TSHZ1: variants seen among roughly 807,000 people sequenced by gnomAD.
TSHZ1 encodes the protein teashirt zinc finger homeobox 1.
In TSHZ1, 12 loss-of-function variants were observed where a neutral mutation model predicts 67.1. The observed-to-expected ratio is 0.18, with a 90% CI of 0.11 to 0.29. TSHZ1 has a LOEUF of 0.29. Among genes scored for constraint, TSHZ1 ranks in the 10% least tolerant of loss-of-function variants. TSHZ1 has a pLI of 1.00. For synonymous variants in TSHZ1, 632 were observed against 622.4 expected, an observed-to-expected ratio of 1.02 and a Z score of -0.23; for missense variants, 1,305 against 1,413.9, an observed-to-expected ratio of 0.92 and a Z score of 1.23.
chr18:75,271,948 C>T (rs146463698), intron 1 of TSHZ1, among the ~76,000 whole-genome samples: 4 of 152,174 alleles, frequency 2.6e-5, no homozygotes, highest in Non-Finnish European at 5.9e-5. Flanking sequence ...CTTCTCCGCT[C>T]GCTTCCTGTA....
chr18:75,249,076 GA>G (rs2023260050), intron 1 of TSHZ1, among the ~76,000 whole-genome samples: 1 of 152,152 alleles, frequency 6.6e-6, no homozygotes, highest in African/African-American at 2.4e-5. Flanking sequence ...GCTACTGGGG[GA>G]AAGCCAGGTC....
intron 1 of TSHZ1, among the ~76,000 whole-genome samples, chr18:75,278,565 G>A (rs2122608516): frequency 6.6e-6 from 1 of 152,202 alleles, no homozygotes; most frequent in Non-Finnish European, 1.5e-5. Context: ...GAAGGGTACG[G>A]GCCCTTGTTG....
At chr18:75,222,518 C>CT (rs1369667654) in intron 1 of TSHZ1, among the ~76,000 whole-genome samples, 1 of 152,040 alleles carries the variant, frequency 6.6e-6, no homozygotes, top group South Asian at 2.1e-4. Flanking sequence ...CTCCGAGAAG[C>CT]TGGTGGAATG....
At chr18:75,233,111 C>T (rs1476373186) in intron 1 of TSHZ1, among the ~76,000 whole-genome samples, 1 of 152,224 alleles carries the variant, frequency 6.6e-6, no homozygotes, top group African/African-American at 2.4e-5. Context: ...AGCTCTGGAA[C>T]TCCCGGCTGC....
chr18:75,265,470 A>G (rs1450630472), intron 1 of TSHZ1, among the ~76,000 whole-genome samples: 1 of 152,240 alleles, frequency 6.6e-6, no homozygotes, highest in Non-Finnish European at 1.5e-5. Flanking sequence ...TGACAGAGAA[A>G]GTGTGTTACA....
At chr18:75,274,758 T>C (rs2023597423) in intron 1 of TSHZ1, among the ~76,000 whole-genome samples, 1 of 152,348 alleles carries the variant, frequency 6.6e-6, no homozygotes, top group South Asian at 2.1e-4. Context: ...CGGCATCTTG[T>C]AAAGCAATTA....
At chr18:75,230,365 C>G (rs750924311) in intron 1 of TSHZ1, among the ~76,000 whole-genome samples, 1 of 152,046 alleles carries the variant, frequency 6.6e-6, no homozygotes, top group Admixed American at 6.5e-5. Context: ...GCGCACCTTA[C>G]GGAGGGTCCT....
At chr18:75,280,593 T>C (rs1568367819) in intron 1 of TSHZ1, among the ~76,000 whole-genome samples, 1 of 152,352 alleles carries the variant, frequency 6.6e-6, no homozygotes, top group East Asian at 1.9e-4. Flanking sequence ...TTTCAAATCA[T>C]GTTTCCATCA....
At chr18:75,220,679 C>T (rs542159190) in intron 1 of TSHZ1, among the ~76,000 whole-genome samples, 1 of 152,240 alleles carries the variant, frequency 6.6e-6, no homozygotes, top group African/African-American at 2.4e-5. Context: ...CTAGGAAGGC[C>T]TATTCGCTAA....
intron 1 of TSHZ1, among the ~76,000 whole-genome samples, chr18:75,232,931 C>T (rs1292886446): frequency 6.6e-6 from 1 of 152,228 alleles, no homozygotes; most frequent in East Asian, 1.9e-4. Flanking sequence ...TTGCCACGCA[C>T]AGTTAGGAAG....
chr18:75,252,740 T>C (rs1051584500), intron 1 of TSHZ1, among the ~76,000 whole-genome samples: 2 of 152,186 alleles, frequency 1.3e-5, no homozygotes, highest in African/African-American at 4.8e-5. Context: ...TATATGTATA[T>C]ATGTATATAT....
intron 1 of TSHZ1, among the ~76,000 whole-genome samples, chr18:75,276,955 T>C (rs1157542994): frequency 6.6e-6 from 1 of 152,238 alleles, no homozygotes; most frequent in African/African-American, 2.4e-5. Flanking sequence ...CTCATGGCTG[T>C]CATTTGTGTC....
In TSHZ1 at chr18:75,266,275, G is replaced by A. The variant is rs12104119; in HGVS notation, c.41-19173G>A. Among the ~76,000 whole-genome samples, 857 of 152,318 alleles carry A rather than the reference G, an allele frequency of 5.6e-3. 11 individuals carry two copies. The highest frequency in any genetic ancestry group is 0.02 in the African/African-American group (815 of 41,578). On this transcript the variant is annotated intron_variant, in intron 1 of 1. Coordinates refer to ENST00000580243, the MANE Select transcript of TSHZ1 (RefSeq NM_001308210.2). ...GAGTTCTCTTTCCAAGTTAGGAATA[G>A]ATCAAACAGTAGCTCTTTGAGGAAA...
Position 75,288,362 on chromosome 18 carries a change from C to T in TSHZ1, c.2955C>T (p.Tyr985=). ...CASQFRTAST[Y]ISHLETHLGF... is the part of the protein sequence containing the mutation. ...CTCAGTTCAGAACTGCTTCTACATA[C>T]ATAAGTCATTTGGAGACACACTTGG... The change falls in exon 2 of 2, where the codon TAC becomes TAT. Residue 985 remains tyrosine, a synonymous_variant. Transcript: ENST00000580243. This position sits in a 1 kb window ranked among gnomAD's most constrained non-coding sequence, Gnocchi z 4.9. 5 of 1,614,196 alleles carry T rather than the reference C, an allele frequency of 3.1e-6. No individual in the cohort carries two copies. In the East Asian group the frequency reaches 8.9e-5, roughly 29 times the overall value.
At chr18:75,264,802 T>G (rs2023471418) in intron 1 of TSHZ1, among the ~76,000 whole-genome samples, 1 of 152,220 alleles carries the variant, frequency 6.6e-6, no homozygotes, top group African/African-American at 2.4e-5. Flanking sequence ...GTGTCAAATC[T>G]GTTATTTTAG....
Position 75,282,322 on chromosome 18 carries a change from C to T in TSHZ1, c.41-3126C>T, listed in dbSNP as rs767181633. 9.9e-5 allele frequency among the ~76,000 whole-genome samples: 15 copies of T among 152,256 alleles called. No individual in the cohort carries two copies. In the South Asian group the frequency reaches 1.9e-3, roughly 19 times the overall value. On this transcript the variant is annotated intron_variant, in intron 1 of 1. Coordinates refer to ENST00000580243, the MANE Select transcript of TSHZ1 (RefSeq NM_001308210.2). Reference sequence around the variant, plus strand: ...AGGCCCTGAGACGCAGCCCTGACTCCGGACCCTCATCCTTTGTGGGCACCT... The same window carrying T: ...AGGCCCTGAGACGCAGCCCTGACTCTGGACCCTCATCCTTTGTGGGCACCT...
intron 1 of TSHZ1, among the ~76,000 whole-genome samples, chr18:75,212,419 T>A (rs59197299): frequency 5.4e-5 from 8 of 149,046 alleles, no homozygotes; most frequent in Admixed American, 3.3e-4. Context: ...ACTTTTTTTT[T>A]ATTACCTCTA....
At chr18:75,246,403 G>GTTGTGTGTGTGTGTGTGTGTGTGT (rs1555727133) in intron 1 of TSHZ1, among the ~76,000 whole-genome samples, 1 of 108,372 alleles carries the variant, frequency 9.2e-6, no homozygotes, top group African/African-American at 3.5e-5. Context: ...TTTGGTTTCT[G>GTTGTGTGTGTGTGTGTGTGTGTGT]GTGTGTGTGT....
chr18:75,238,888 C>T (rs369281562), intron 1 of TSHZ1, among the ~76,000 whole-genome samples: 1 of 152,238 alleles, frequency 6.6e-6, no homozygotes, highest in African/African-American at 2.4e-5. Context: ...GAAGGTAATT[C>T]AGTCATTCCT....
Sources: gnomAD v4.1 joint callset for allele counts (sites outside exome capture counted in the v4.1 genomes callset) on GRCh38, gnomAD v4.1.1 for gene constraint, Gnocchi (gnomAD v3.1) non-coding constraint, MANE v1.5 for transcripts, NCBI Gene and HGNC (gene_info 2026-07-23, HGNC 2026-07-21) for gene names.